LRRC61: variants seen among roughly 807,000 people sequenced by gnomAD.
LRRC61 encodes the protein leucine rich repeat containing 61.
LRRC61 carries 9 observed loss-of-function variants against 15.1 expected under a neutral mutation model. The ratio of observed to expected loss-of-function variants is 0.60; its 90% confidence interval spans 0.36 to 1.04. The LOEUF is 1.04. Ranked by LOEUF, LRRC61 falls within the 50% of genes least tolerant of loss-of-function variation. The pLI is 0.01. For missense variants in LRRC61, 344 were observed against 335.6 expected, an observed-to-expected ratio of 1.03 and a Z score of -0.20; for synonymous variants, 173 against 158.6, an observed-to-expected ratio of 1.09 and a Z score of -0.68.
chr7:150,314,237 T>C, the LRRC61 span, among the ~76,000 whole-genome samples: 1 of 152,172 alleles, frequency 6.6e-6, no homozygotes, highest in African/African-American at 2.4e-5. Context: ...ATGTGACCAG[T>C]TTTGTAGAAC....
upstream of LRRC61, among the ~76,000 whole-genome samples, chr7:150,321,966 C>T (rs961132856): frequency 3.3e-5 from 5 of 152,198 alleles, no homozygotes; most frequent in African/African-American, 1.2e-4. Flanking sequence ...ATATGTCCAA[C>T]TGAGGAGGTG....
chr7:150,336,557 T>C (rs78753739), intron 2 of LRRC61, among the ~76,000 whole-genome samples, 161 bp from the exon 3 acceptor site: 5,374 of 152,320 alleles, frequency 0.035, 273 homozygotes, highest in African/African-American at 0.11. Context: ...CCCATCCCTG[T>C]CACTCAGATG....
intron 1 of LRRC61, among the ~76,000 whole-genome samples, chr7:150,324,084 A>G (rs1193425335): frequency 1.3e-5 from 2 of 152,236 alleles, no homozygotes; most frequent in African/African-American, 2.4e-5. Flanking sequence ...AAAACATGCA[A>G]TGGCTTGCTC....
Position 150,335,054 on chromosome 7 carries a change from AAAG to A in LRRC61, c.-144-1663_-144-1661del, listed in dbSNP as rs1482711741. Among the ~76,000 whole-genome samples the A allele has an allele frequency of 8.6e-5, 13 of 151,680 alleles. No homozygotes were observed. Among genetic ancestry groups the A allele is most frequent in the Admixed American group, 6.6e-4 (10 of 15,254 alleles). ...TCAAAAAAAAAAAAAAAAAAGAAAA[AAAG>A]GAGCCCCTGGCATACAGTCACCCAG... On this transcript the variant is annotated intron_variant, in intron 2 of 2. Coordinates refer to ENST00000359623, the MANE Select transcript of LRRC61 (RefSeq NM_001142928.2). The surrounding 1 kb of genome is among the most constrained non-coding windows in gnomAD (Gnocchi z 4.3).
At chr7:150,310,688 C>A in the LRRC61 span, among the ~76,000 whole-genome samples, 10 of 152,264 alleles carry the variant, frequency 6.6e-5, no homozygotes, top group South Asian at 2.1e-3. Context: ...CCAGTCCCAG[C>A]AACTCACCTG....
the LRRC61 span, among the ~76,000 whole-genome samples, chr7:150,314,836 C>T: frequency 6.7e-6 from 1 of 149,758 alleles, no homozygotes; most frequent in Non-Finnish European, 1.5e-5. Flanking sequence ...CCTGTAGTCC[C>T]AGCTACTCAC....
At chr7:150,323,277 C>T (rs1266607685), upstream of LRRC61, 1 of 248,194 alleles carries the variant, frequency 4.0e-6, no homozygotes, top group Non-Finnish European at 8.0e-6. Context: ...GCTGCGCTTC[C>T]GGAAGTAACC....
upstream of LRRC61, chr7:150,323,340 C>G (rs375625297): frequency 8.0e-5 from 22 of 276,088 alleles, no homozygotes; most frequent in East Asian, 2.9e-3. Flanking sequence ...GCCAGGCCCC[C>G]TGGGCGCGTT....
At chr7:150,322,145 C>T (rs1797585441), upstream of LRRC61, among the ~76,000 whole-genome samples, 1 of 152,156 alleles carries the variant, frequency 6.6e-6, no homozygotes, top group South Asian at 2.1e-4. Flanking sequence ...GGATGCAGGC[C>T]CAGATGTTCT....
chr7:150,336,491 A>G (rs990014457), intron 2 of LRRC61, among the ~76,000 whole-genome samples: 7 of 152,228 alleles, frequency 4.6e-5, no homozygotes, highest in Non-Finnish European at 5.9e-5. Context: ...TCCATCCAGC[A>G]TGGCCCTAAC....
At chr7:150,320,303 T>A (rs1797370102), upstream of LRRC61, among the ~76,000 whole-genome samples, 2 of 152,252 alleles carry the variant, frequency 1.3e-5, no homozygotes, top group South Asian at 4.1e-4. Context: ...AATGTAATGC[T>A]TGTTTGTGTA....
rs1187225449 is a variant in LRRC61, at chr7:150,337,158, G to A, written c.297G>A (p.Leu99=). Residue 99 remains leucine (L), a synonymous_variant, in exon 3 of 3, where the codon TTG becomes TTA. Transcript: ENST00000359623. ...GLEPLATCEN[L]QSLNAAGNLL... The stretch of plus-strand genomic sequence containing the variant: ...AGCCACTGGCCACCTGTGAGAACTT[G>A]CAGAGTCTCAATGCCGCAGGCAACC... 1.2e-6 allele frequency: 2 copies of A among 1,610,746 alleles called. No homozygotes were observed. Among genetic ancestry groups the A allele is most frequent in the African/African-American group, 1.3e-5 (1 of 75,076 alleles).
chr7:150,334,224 G>A (rs933473526), intron 2 of LRRC61, among the ~76,000 whole-genome samples: 6 of 152,168 alleles, frequency 3.9e-5, no homozygotes, highest in Admixed American at 3.9e-4. Context: ...CAGTCCCACT[G>A]TGGCCTCACC....
intron 2 of LRRC61, among the ~76,000 whole-genome samples, chr7:150,334,723 G>C (rs1798231643): frequency 6.6e-6 from 1 of 152,222 alleles, no homozygotes; most frequent in African/African-American, 2.4e-5. Context: ...ACATGTCTGA[G>C]AAGGGAGCCC....
chr7:150,317,020 A>C, the LRRC61 span, among the ~76,000 whole-genome samples: 1 of 151,902 alleles, frequency 6.6e-6, no homozygotes, highest in Non-Finnish European at 1.5e-5. Flanking sequence ...CTTGATGTTT[A>C]ATCTTTTTTA....
chr7:150,313,602 G>T, the LRRC61 span, among the ~76,000 whole-genome samples: 2 of 152,162 alleles, frequency 1.3e-5, no homozygotes, highest in Non-Finnish European at 2.9e-5. Context: ...GTACAGTGAG[G>T]CATATCCAAC....
At chr7:150,310,968 G>A in the LRRC61 span, among the ~76,000 whole-genome samples, 18 of 151,980 alleles carry the variant, frequency 1.2e-4, no homozygotes, top group Admixed American at 3.9e-4. Context: ...ACATACATGC[G>A]CTCTTCCTGC....
At chr7:150,309,721 G>A in the LRRC61 span, among the ~76,000 whole-genome samples, 5 of 152,116 alleles carry the variant, frequency 3.3e-5, no homozygotes, top group Admixed American at 2.0e-4. Context: ...ACTGGAAATC[G>A]GACTGTCCAA....
upstream of LRRC61, among the ~76,000 whole-genome samples, chr7:150,318,305 T>C (rs1253047522): frequency 6.6e-6 from 1 of 152,176 alleles, no homozygotes; most frequent in Non-Finnish European, 1.5e-5. Context: ...GACAAAGACA[T>C]GGAACAGAGT....
Sources: allele counts gnomAD v4.1 joint callset (sites outside exome capture counted in the v4.1 genomes callset), GRCh38; gene constraint gnomAD v4.1.1; non-coding constraint Gnocchi (gnomAD v3.1); transcripts MANE v1.5; gene names NCBI Gene and HGNC (gene_info 2026-07-23, HGNC 2026-07-21).